Variants in MCTP2 observed in about 807,000 individuals in gnomAD.
MCTP2 encodes multiple C2 and transmembrane domain-containing protein 2.
Under a neutral mutation model 111.6 loss-of-function variants are expected in MCTP2, and 132 were observed. The observed-to-expected ratio is 1.18, with a 90% CI of 1.03 to 1.37. MCTP2 has a LOEUF of 1.37. Ranked by LOEUF, MCTP2 falls within the 40% of genes most tolerant of loss-of-function variation. MCTP2 has a pLI of 0.00. For missense variants in MCTP2, 1,183 were observed against 1,067.9 expected, an observed-to-expected ratio of 1.11 and a Z score of -1.50; for synonymous variants, 395 against 387.7, an observed-to-expected ratio of 1.02 and a Z score of -0.22.
intron 17 of MCTP2, among the ~76,000 whole-genome samples, chr15:94,408,881 C>G (rs546023984): frequency 3.1e-4 from 47 of 152,304 alleles, no homozygotes; most frequent in African/African-American, 1.0e-3. Context: ...GTTAGCTCCC[C>G]CTTTTGTGTG....
chr15:94,448,140 T>C lies in MCTP2; in HGVS notation c.2250+5180T>C, dbSNP rs564503173. On this transcript the variant is annotated intron_variant, in intron 19 of 22. Coordinates refer to ENST00000357742, the MANE Select transcript of MCTP2 (RefSeq NM_001385001.1). Reference sequence around the variant, plus strand: ...GTAGTCCGCTGGCAAATCAACTTGCTTAAATATTCTTTTTAAAAATCAAAC... The same window carrying C: ...GTAGTCCGCTGGCAAATCAACTTGCCTAAATATTCTTTTTAAAAATCAAAC... 3.2e-3 allele frequency among the ~76,000 whole-genome samples: 488 copies of C among 152,332 alleles called. 1 individual carries two copies. Among genetic ancestry groups the C allele is most frequent in the Non-Finnish European group, 6.1e-3 (418 of 68,026 alleles).
intron 17 of MCTP2, among the ~76,000 whole-genome samples, chr15:94,410,851 C>T (rs2082120968): frequency 6.6e-6 from 1 of 152,214 alleles, no homozygotes; most frequent in Non-Finnish European, 1.5e-5. Context: ...ATCATAATAG[C>T]CTGTGGCCGC....
At chr15:94,322,530 A>G (rs977586199) in intron 4 of MCTP2, among the ~76,000 whole-genome samples, 3 of 152,234 alleles carry the variant, frequency 2.0e-5, no homozygotes, top group Admixed American at 6.5e-5. Flanking sequence ...CTGTTTTCCA[A>G]TATAAATTTA....
rs151199164 is a variant in MCTP2 at position 94,263,842 on chromosome 15, T to C, written c.-66+32178T>C. On this transcript the variant is annotated intron_variant, in intron 1 of 22. Coordinates refer to ENST00000357742, the MANE Select transcript of MCTP2 (RefSeq NM_001385001.1). ...GTGCTGTGGGGTTATAAAGAAACTT[T>C]AGCGAGTATACCAGTTCACAAATGA... Among the ~76,000 whole-genome samples the C allele has an allele frequency of 2.3e-3, 353 of 152,332 alleles. 1 individual carries two copies. The highest frequency in any genetic ancestry group is 8.4e-3 in the African/African-American group (350 of 41,582).
chr15:94,331,504 G>A (rs915506873), intron 4 of MCTP2, among the ~76,000 whole-genome samples: 3 of 152,096 alleles, frequency 2.0e-5, no homozygotes, highest in Non-Finnish European at 4.4e-5. Context: ...AGTTCAGGGG[G>A]GCTGTGGTGC....
chr15:94,469,035 T>C (rs2073672655), intron 20 of MCTP2, among the ~76,000 whole-genome samples: 1 of 152,256 alleles, frequency 6.6e-6, no homozygotes, highest in Non-Finnish European at 1.5e-5. Flanking sequence ...TTTGCTCATC[T>C]ATAAAATGGG....
intron 11 of MCTP2, among the ~76,000 whole-genome samples, chr15:94,369,464 A>G (rs572220803): frequency 6.6e-6 from 1 of 152,286 alleles, no homozygotes; most frequent in South Asian, 2.1e-4. Context: ...AAATATTGCT[A>G]TATGTGCTTA....
At chr15:94,462,642 A>C (rs1345721158) in intron 20 of MCTP2, among the ~76,000 whole-genome samples, 1 of 152,142 alleles carries the variant, frequency 6.6e-6, no homozygotes, top group Non-Finnish European at 1.5e-5. Context: ...ACATGTGCTT[A>C]TTTACATTTT....
intron 12 of MCTP2, among the ~76,000 whole-genome samples, chr15:94,381,471 A>G (rs1424666705): frequency 6.6e-6 from 1 of 152,216 alleles, no homozygotes; most frequent in Non-Finnish European, 1.5e-5. Context: ...TAGCTGGGAC[A>G]GCTAAGAGCG....
Position 94,479,097 on chromosome 15 carries a change from T to A in MCTP2, c.*63T>A. 2 of 1,517,364 alleles carry A rather than the reference T, an allele frequency of 1.3e-6. No homozygotes were observed. The highest frequency in any genetic ancestry group is 2.2e-5 in the South Asian group (2 of 89,152). 94.0% of individuals were successfully genotyped at this position (1,517,364 alleles called of 1,614,324 possible). A position where few individuals can be genotyped will look rare whatever the true frequency, so the allele number is the denominator to read the frequency against. On this transcript the variant is annotated 3_prime_UTR_variant, in exon 23 of 23. Coordinates refer to ENST00000357742, the MANE Select transcript of MCTP2 (RefSeq NM_001385001.1). ...TGTTTGGTTGAGTAGACCAATGTTATGGCTGTTTCAGTGGTACCCAAGGTG... is the reference window on the plus strand; with the variant it reads ...TGTTTGGTTGAGTAGACCAATGTTAAGGCTGTTTCAGTGGTACCCAAGGTG...
At position 94,362,001 on chromosome 15, in the gene MCTP2, T is replaced by C. The variant is rs571159175; in HGVS notation, c.1301+3389T>C. Among the ~76,000 whole-genome samples, 15 of 152,220 alleles carry C rather than the reference T, an allele frequency of 9.9e-5. No individual in the cohort carries two copies. The South Asian group carries it at 1.5e-3, about 15-fold the overall frequency. On this transcript the variant is annotated intron_variant, in intron 10 of 22. Transcript: ENST00000357742. The stretch of plus-strand genomic sequence containing the variant: ...GTGGAACTTGCTGACTTCCCCTTTT[T>C]CCATAGTCCACCGACCTGCAGATTC...
In MCTP2 at chr15:94,440,280, C is replaced by A; in HGVS notation, c.2190C>A (p.Ser730Arg). 2 of 1,614,106 alleles carry A rather than the reference C, an allele frequency of 1.2e-6. No homozygotes were observed. Among genetic ancestry groups the A allele is most frequent in the East Asian group, 2.2e-5 (1 of 44,876 alleles). Reference protein sequence around the residue: ...NFIRPVKGKVSSIQDSQESTD... With the variant: ...NFIRPVKGKVRSIQDSQESTD... ...TCAGACCTGTGAAAGGCAAGGTCAG[C>A]AGCATCCAGGACAGCCAGGTAAGCA... The change falls in exon 18 of 23, where the codon AGC becomes AGA. Residue 730 changes from serine to arginine, a missense_variant. Transcript: ENST00000357742.
intron 17 of MCTP2, among the ~76,000 whole-genome samples, chr15:94,425,256 C>G (rs1031005470): frequency 6.6e-5 from 10 of 152,124 alleles, no homozygotes; most frequent in Admixed American, 2.6e-4. Context: ...AGTCATAAAT[C>G]AAGTTTACAT....
At chr15:94,256,586 T>A (rs2072786146) in intron 1 of MCTP2, among the ~76,000 whole-genome samples, 1 of 152,194 alleles carries the variant, frequency 6.6e-6, no homozygotes, top group Non-Finnish European at 1.5e-5. Context: ...TATTTTGATG[T>A]CATGAGTGAG....
intron 20 of MCTP2, among the ~76,000 whole-genome samples, chr15:94,466,743 T>G (rs1284644686): frequency 6.6e-6 from 1 of 152,160 alleles, no homozygotes; most frequent in Non-Finnish European, 1.5e-5. Context: ...CTTAGTTACC[T>G]CCAAGAGTTC....
At chr15:94,407,581 A>T (rs750042737) in intron 17 of MCTP2, among the ~76,000 whole-genome samples, 1 of 152,206 alleles carries the variant, frequency 6.6e-6, no homozygotes, top group Non-Finnish European at 1.5e-5. Context: ...TTAAAGCATC[A>T]ATCAACCTCT....
chr15:94,404,365 G>A (rs577268935), intron 17 of MCTP2, among the ~76,000 whole-genome samples: 11 of 147,778 alleles, frequency 7.4e-5, no homozygotes, highest in Admixed American at 4.8e-4. Flanking sequence ...GCAGAGGCAC[G>A]ATCTTGGCTC....
In MCTP2 at chr15:94,476,807, G is replaced by T; in HGVS notation, c.2568+14G>T. The stretch of plus-strand genomic sequence containing the variant: ...GATGTTCAAAAGGTATGTAATGAAT[G>T]GTTACCACCAACAGTGGCCCCAACC... On this transcript the variant is annotated intron_variant, in intron 22 of 22. Transcript: ENST00000357742. 6.9e-7 allele frequency: 1 copy of T among 1,442,802 alleles called. No individual in the cohort carries two copies. The highest frequency in any genetic ancestry group is 1.2e-5 in the South Asian group (1 of 86,926). The allele number at this position is 1,442,802 out of a possible 1,614,324, so 89.4% of individuals were successfully genotyped here.
intron 14 of MCTP2, among the ~76,000 whole-genome samples, chr15:94,392,433 C>T (rs548960927): frequency 1.1e-4 from 16 of 151,700 alleles, no homozygotes; most frequent in African/African-American, 3.9e-4. Flanking sequence ...GATAACTTTT[C>T]ATACAAATAT....
Sources: allele counts gnomAD v4.1 joint callset (sites outside exome capture counted in the v4.1 genomes callset), GRCh38; gene constraint gnomAD v4.1.1; transcripts MANE v1.5; gene names NCBI Gene and HGNC (gene_info 2026-07-23, HGNC 2026-07-21).